ITGAL: variants seen among roughly 807,000 people sequenced by gnomAD.
ITGAL encodes the protein integrin alpha-L.
A neutral mutation model predicts 138.4 loss-of-function variants in ITGAL; 68 were observed. The ratio of observed to expected loss-of-function variants is 0.49; its 90% CI spans 0.40 to 0.60. The LOEUF (loss-of-function observed/expected upper bound fraction) is 0.60, where lower values mean the gene tolerates loss of function less well. Ranked by LOEUF, ITGAL falls within the 20% of genes least tolerant of loss-of-function variation. The probability of loss-of-function intolerance (pLI) is 0.00; values close to 1 mark genes in which losing one functional copy is unlikely to be tolerated. For synonymous variants in ITGAL, 561 were observed against 584.3 expected (o/e 0.96, Z 0.57); for missense variants, 1,256 against 1,478.6 (o/e 0.85, Z 2.47).
intron 11 of ITGAL, among the ~76,000 whole-genome samples, chr16:30,492,345 G>A (rs900646656): frequency 2.0e-5 from 3 of 151,392 alleles, no homozygotes; most frequent in Admixed American, 2.0e-4. Context: ...CCACCTCCCA[G>A]GTTCAACTGA....
In ITGAL at chr16:30,513,847, G is replaced by A; in HGVS notation, c.2862+1G>A. 1 of 1,604,652 alleles carries A rather than the reference G, an allele frequency of 6.2e-7. No individual in the cohort carries two copies. The highest frequency in any genetic ancestry group is 8.5e-7 in the Non-Finnish European group (1 of 1,171,440). ...CCACCAAGTCAAGCACATGTACCAG[G>A]TATGAATCCCAATGTGGAAGGTCCT... On this transcript the variant is annotated splice_donor_variant, in intron 25 of 30. Transcript: ENST00000356798. LOFTEE classifies it high-confidence loss of function.
intron 17 of ITGAL, chr16:30,503,886 G>A (rs1449842696): frequency 8.3e-6 from 2 of 240,922 alleles, no homozygotes; most frequent in Non-Finnish European, 1.6e-5. Context: ...TGGCTGCCTA[G>A]GTCAAAATTC....
intron 9 of ITGAL, among the ~76,000 whole-genome samples, chr16:30,486,404 G>A (rs1339717496): frequency 9.1e-6 from 1 of 110,274 alleles, no homozygotes; most frequent in Non-Finnish European, 1.8e-5. Context: ...GAGCAAAACT[G>A]TCTCAAAAAA....
chr16:30,519,159 G>C (rs1435562448), intron 29 of ITGAL, among the ~76,000 whole-genome samples: 1 of 152,112 alleles, frequency 6.6e-6, no homozygotes, highest in Non-Finnish European at 1.5e-5. Context: ...GGAGGCAGAG[G>C]TGGCAGTGAG....
At chr16:30,519,807 T>C (rs1173329715) in intron 29 of ITGAL, 50 bp from the exon 30 acceptor site, 1 of 1,220,096 alleles carries the variant, frequency 8.2e-7, no homozygotes, top group Non-Finnish European at 1.2e-6. Flanking sequence ...CACAGGGACT[T>C]TCAGGGGTGG....
intron 28 of ITGAL, 138 bp from the exon 29 acceptor site, chr16:30,518,486 A>G (rs374320381): frequency 1.6e-6 from 1 of 622,640 alleles, no homozygotes. Context: ...GAATGCCACA[A>G]TAGAGAGTTG....
chr16:30,481,170 A>G (rs2050551172), intron 6 of ITGAL: 1 of 383,298 alleles, frequency 2.6e-6, no homozygotes, highest in Non-Finnish European at 4.8e-6. Flanking sequence ...ACACACACAC[A>G]CACACACACA....
intron 24 of ITGAL, among the ~76,000 whole-genome samples, chr16:30,513,513 C>T (rs368354289): frequency 8.5e-5 from 13 of 152,192 alleles, no homozygotes; most frequent in African/African-American, 2.4e-4. Flanking sequence ...GGTGAGGTGG[C>T]GCGCAGTGGG....
chr16:30,510,298 G>A lies in ITGAL; in HGVS notation c.2509-63G>A. The A allele has an allele frequency of 5.4e-6, 5 of 933,460 alleles. No homozygotes were observed. The South Asian group carries it at 6.5e-5, about 12-fold the overall frequency. The allele number at this position is 933,460 out of a possible 1,614,324, so 57.8% of individuals were successfully genotyped here. ...TGGGGGAGGTAGGCCAGGAGGGCTG[G>A]TGGCCTCTGGGGGAAACTTGGCCTT... is the stretch of plus-strand genomic sequence containing the variant. On this transcript the variant is annotated intron_variant, in intron 21 of 30. Coordinates refer to ENST00000356798, the MANE Select transcript of ITGAL (RefSeq NM_002209.3).
At chr16:30,488,003 C>A (rs2151150758) in intron 9 of ITGAL, among the ~76,000 whole-genome samples, 1 of 152,232 alleles carries the variant, frequency 6.6e-6, no homozygotes, top group East Asian at 1.9e-4. Context: ...CAGGCATGAG[C>A]CACCACGCAC....
chr16:30,494,170 C>T lies in ITGAL; in HGVS notation c.1214-42C>T, dbSNP rs1344332690. ...CCTCTCCTGCTGGGTGTTCTTCCAG[C>T]ATCCTGTGTTCCTAACTCCACACCC... On this transcript the variant is annotated intron_variant, in intron 11 of 30. Transcript: ENST00000356798. This position sits in a 1 kb window ranked among gnomAD's most constrained non-coding sequence, Gnocchi z 4.2. 10 of 1,511,204 alleles carry T rather than the reference C, an allele frequency of 6.6e-6. No individual in the cohort carries two copies. The highest frequency in any genetic ancestry group is 9.0e-6 in the Non-Finnish European group (10 of 1,113,158). The allele number at this position is 1,511,204 out of a possible 1,614,324, so 93.6% of individuals were successfully genotyped here. A position where few individuals can be genotyped will look rare whatever the true frequency, so the allele number is the denominator to read the frequency against.
chr16:30,492,532 G>A (rs1017753901), intron 11 of ITGAL, among the ~76,000 whole-genome samples: 9 of 151,342 alleles, frequency 5.9e-5, no homozygotes, highest in Non-Finnish European at 1.2e-4. Context: ...GATTACAGGC[G>A]TGTGCCACCG....
rs1287281721 is a variant in ITGAL, at chr16:30,505,795, A to AT, written c.2366+334dup. ...GCTACTTGGGAGATTGAGGCAGAGG[A>AT]TGGCTTGAGCCAGGAGTTTGAGGCT... On this transcript the variant is annotated intron_variant, in intron 20 of 30. Transcript: ENST00000356798. 2.0e-5 allele frequency among the ~76,000 whole-genome samples: 3 copies of AT among 152,280 alleles called. No homozygotes were observed. In the East Asian group the frequency reaches 5.8e-4, roughly 29 times the overall value.
At chr16:30,492,758 G>A (rs971347728) in intron 11 of ITGAL, among the ~76,000 whole-genome samples, 4 of 150,048 alleles carry the variant, frequency 2.7e-5, no homozygotes, top group Admixed American at 1.3e-4. Flanking sequence ...GGGTTTCACC[G>A]TGGTCTCGAT....
intron 2 of ITGAL, 99 bp downstream of exon 2, chr16:30,474,397 C>A: frequency 1.3e-6 from 1 of 774,480 alleles, no homozygotes; most frequent in Non-Finnish European, 2.2e-6. Context: ...TAGTCGGTGG[C>A]ACGAGGCAGC....
intron 4 of ITGAL, among the ~76,000 whole-genome samples, chr16:30,478,320 C>A (rs564527230): frequency 7.2e-6 from 1 of 138,614 alleles, no homozygotes; most frequent in Admixed American, 7.8e-5. Context: ...GGTGACAAAG[C>A]GAGACTCCGT....
chr16:30,490,896 G>A lies in ITGAL; in HGVS notation c.1213+1510G>A, dbSNP rs1227326579. 2.6e-5 allele frequency among the ~76,000 whole-genome samples: 4 copies of A among 151,776 alleles called. No homozygotes were observed. In the Admixed American group the frequency reaches 2.6e-4, roughly 10 times the overall value. On this transcript the variant is annotated intron_variant, in intron 11 of 30. Coordinates refer to ENST00000356798, the MANE Select transcript of ITGAL (RefSeq NM_002209.3). The stretch of plus-strand genomic sequence containing the variant: ...GAGGCAGGAGAATCACTTGAACCTG[G>A]GAGGCGGAAGTTACAGTGAGCCGAG...
intron 28 of ITGAL, among the ~76,000 whole-genome samples, 157 bp from the exon 29 acceptor site, chr16:30,518,467 G>C (rs964859421): frequency 6.6e-6 from 1 of 150,582 alleles, no homozygotes; most frequent in Non-Finnish European, 1.5e-5. Context: ...AAAAAAAATA[G>C]AAAGAAAAGA....
chr16:30,484,936 C>CA (rs995926645), intron 9 of ITGAL, among the ~76,000 whole-genome samples: 2 of 150,186 alleles, frequency 1.3e-5, no homozygotes, highest in East Asian at 1.9e-4. Context: ...CAAAACAAAA[C>CA]AAAAAAACAA....
Sources: allele counts gnomAD v4.1 joint callset (sites outside exome capture counted in the v4.1 genomes callset), GRCh38; gene constraint gnomAD v4.1.1; non-coding constraint Gnocchi (gnomAD v3.1); transcripts MANE v1.5; gene names NCBI Gene and HGNC (gene_info 2026-07-23, HGNC 2026-07-21).